Variants in MRTFB observed in about 807,000 individuals in gnomAD.
MRTFB encodes the protein myocardin-related transcription factor B.
MRTFB carries 29 observed loss-of-function variants against 104.2 expected under a neutral mutation model. The observed-to-expected ratio is 0.28, with a 90% CI of 0.21 to 0.38. The LOEUF (loss-of-function observed/expected upper bound fraction) is 0.38. Among genes scored for constraint, MRTFB ranks in the 10% least tolerant of loss-of-function variants. MRTFB has a pLI of 1.00. For synonymous variants in MRTFB, 535 were observed against 519.5 expected (o/e 1.03, Z -0.41); for missense variants, 1,270 against 1,341.6 (o/e 0.95, Z 0.83).
chr16:14,034,616 C>G, the MRTFB span, among the ~76,000 whole-genome samples: 3 of 57,826 alleles, frequency 5.2e-5, no homozygotes, highest in East Asian at 1.6e-3. Flanking sequence ...CTCCATCTCA[C>G]AAAAAAAAAA....
intron 2 of MRTFB, among the ~76,000 whole-genome samples, chr16:14,095,674 T>C (rs2035320976): frequency 6.6e-6 from 1 of 152,252 alleles, no homozygotes; most frequent in Non-Finnish European, 1.5e-5. Context: ...AATTTCATCA[T>C]TTTAACTATC....
chr16:14,128,391 T>C (rs2037264499), intron 2 of MRTFB, among the ~76,000 whole-genome samples: 1 of 152,138 alleles, frequency 6.6e-6, no homozygotes, highest in Non-Finnish European at 1.5e-5. Flanking sequence ...CTGGCCCACA[T>C]TCCTGGAAGA....
intron 8 of MRTFB, among the ~76,000 whole-genome samples, chr16:14,233,376 A>C (rs762833632): frequency 1.3e-5 from 2 of 152,200 alleles, no homozygotes; most frequent in Non-Finnish European, 2.9e-5. Context: ...CATGGGTGGC[A>C]TGGGCATTCG....
chr16:14,157,002 G>A (rs1404128624), intron 3 of MRTFB, among the ~76,000 whole-genome samples: 1 of 152,122 alleles, frequency 6.6e-6, no homozygotes, highest in East Asian at 1.9e-4. Flanking sequence ...AAAGGAAAAG[G>A]TCTTGCAATG....
chr16:14,056,450 C>G, the MRTFB span, among the ~76,000 whole-genome samples: 2 of 152,074 alleles, frequency 1.3e-5, no homozygotes, highest in African/African-American at 4.8e-5. Context: ...TCAAATTTTT[C>G]CATCTCTGGC....
intron 3 of MRTFB, among the ~76,000 whole-genome samples, chr16:14,190,357 T>C (rs1211331005): frequency 6.6e-6 from 1 of 152,208 alleles, no homozygotes; most frequent in African/African-American, 2.4e-5. Context: ...AATTTCTGGA[T>C]CTACAGCTAA....
chr16:14,234,660 T>A (rs1240998674), intron 9 of MRTFB, among the ~76,000 whole-genome samples: 2 of 152,088 alleles, frequency 1.3e-5, no homozygotes, highest in East Asian at 3.9e-4. Context: ...CCAGAGGTGG[T>A]GGTGCATGCC....
intron 2 of MRTFB, among the ~76,000 whole-genome samples, chr16:14,135,544 G>A (rs1449931846): frequency 6.6e-6 from 1 of 152,214 alleles, no homozygotes; most frequent in African/African-American, 2.4e-5. Flanking sequence ...AGTGCACACT[G>A]TGGAGCGCAC....
chr16:14,021,885 G>A, the MRTFB span, among the ~76,000 whole-genome samples: 1 of 152,156 alleles, frequency 6.6e-6, no homozygotes, highest in Non-Finnish European at 1.5e-5. Flanking sequence ...AGACATGTGT[G>A]TGCAAGTATC....
the MRTFB span, among the ~76,000 whole-genome samples, chr16:14,029,526 C>CAG: frequency 1.8e-4 from 22 of 125,310 alleles, no homozygotes; most frequent in East Asian, 2.5e-3. Flanking sequence ...CACACACACA[C>CAG]ACACATATAT....
At chr16:14,053,254 A>T in the MRTFB span, among the ~76,000 whole-genome samples, 3 of 152,076 alleles carry the variant, frequency 2.0e-5, no homozygotes, top group Non-Finnish European at 4.4e-5. Context: ...GTGTGTGTGT[A>T]TAAATGGATA....
chr16:14,237,692 T>G (rs73518931), intron 9 of MRTFB, among the ~76,000 whole-genome samples: 20,518 of 150,252 alleles, frequency 0.14, 3,282 homozygotes, highest in African/African-American at 0.39. Context: ...ACCAGTTGAG[T>G]AGGGAAGGGC....
chr16:14,242,758 C>G (rs1008774017), intron 10 of MRTFB, among the ~76,000 whole-genome samples: 14 of 151,974 alleles, frequency 9.2e-5, no homozygotes, highest in Admixed American at 9.2e-4. Context: ...TTTCTCCCCT[C>G]TATTGATTTG....
At chr16:14,237,101 G>A (rs2042550387) in intron 9 of MRTFB, among the ~76,000 whole-genome samples, 1 of 152,192 alleles carries the variant, frequency 6.6e-6, no homozygotes. Context: ...TGTCCTAGAG[G>A]CAGCTGGATA....
intron 8 of MRTFB, among the ~76,000 whole-genome samples, chr16:14,222,378 A>G (rs2041767006): frequency 6.6e-6 from 1 of 152,176 alleles, no homozygotes; most frequent in Non-Finnish European, 1.5e-5. Flanking sequence ...GCAGCCCAAC[A>G]CAAATTCATA....
intron 2 of MRTFB, among the ~76,000 whole-genome samples, chr16:14,113,821 C>T (rs1462112631): frequency 3.9e-5 from 6 of 152,062 alleles, no homozygotes; most frequent in South Asian, 2.1e-4. Context: ...AGGTGTTGCC[C>T]TCTCCCTACA....
At chr16:14,203,372 A>G (rs1346357416) in intron 3 of MRTFB, among the ~76,000 whole-genome samples, 2 of 151,986 alleles carry the variant, frequency 1.3e-5, no homozygotes, top group African/African-American at 4.8e-5. Context: ...TCATTTTTGC[A>G]TTGTTTTGGT....
At chr16:14,247,860 T>G in intron 12 of MRTFB, 7 of 202,240 alleles carry the variant, frequency 3.5e-5, no homozygotes, top group East Asian at 2.5e-4. Context: ...AATGGCCGGC[T>G]TCACTTAATC....
chr16:14,228,875 A>T (rs916607493), intron 8 of MRTFB, among the ~76,000 whole-genome samples: 3 of 152,110 alleles, frequency 2.0e-5, no homozygotes, highest in Admixed American at 6.5e-5. Context: ...AGTAAAAATC[A>T]TAGAGGCAGA....
Sources: gnomAD v4.1 joint callset for allele counts (sites outside exome capture counted in the v4.1 genomes callset) on GRCh38, gnomAD v4.1.1 for gene constraint, MANE v1.5 for transcripts, NCBI Gene and HGNC (gene_info 2026-07-23, HGNC 2026-07-21) for gene names.